Variants in PC observed in about 807,000 individuals in gnomAD.
PC encodes the protein pyruvate carboxylase, mitochondrial.
Under a neutral mutation model 107.8 loss-of-function variants are expected in PC, and 46 were observed. The observed-to-expected ratio is 0.43, with a 90% CI of 0.34 to 0.55. PC has a LOEUF of 0.55. PC is among the 20% of genes least tolerant of loss of function. PC has a pLI of 0.04. For missense variants in PC, 1,241 were observed against 1,643.1 expected, an observed-to-expected ratio of 0.76 and a Z score of 4.23; for synonymous variants, 662 against 684.7, an observed-to-expected ratio of 0.97 and a Z score of 0.52.
intron 3 of PC, among the ~76,000 whole-genome samples, chr11:66,931,243 G>A (rs1355960680): frequency 6.6e-6 from 1 of 151,954 alleles, no homozygotes; most frequent in African/African-American, 2.4e-5. Flanking sequence ...GCCGGGCATG[G>A]TGGCACACAC....
chr11:66,906,342 C>G (rs558937490), intron 3 of PC, among the ~76,000 whole-genome samples: 9 of 152,254 alleles, frequency 5.9e-5, no homozygotes, highest in African/African-American at 1.9e-4. Flanking sequence ...AGCCAGGAAA[C>G]CAAGCACACA....
intron 3 of PC, among the ~76,000 whole-genome samples, chr11:66,951,656 C>T (rs1180412657): frequency 6.6e-6 from 1 of 152,044 alleles, no homozygotes; most frequent in East Asian, 1.9e-4. Flanking sequence ...CTTTGAGGGG[C>T]TGAGGTGGGT....
intron 3 of PC, among the ~76,000 whole-genome samples, chr11:66,908,528 G>C (rs954468924): frequency 1.3e-5 from 2 of 152,200 alleles, no homozygotes; most frequent in Non-Finnish European, 2.9e-5. Context: ...TAAGAAGCCA[G>C]AACAGAGTTC....
intron 3 of PC, among the ~76,000 whole-genome samples, chr11:66,915,961 C>T (rs536058473): frequency 2.6e-5 from 4 of 152,326 alleles, no homozygotes; most frequent in East Asian, 1.9e-4. Context: ...TTTCCTACAA[C>T]GCTCTTTACA....
At chr11:66,849,540 G>A (rs891655724) in intron 21 of PC, 71 bp downstream of exon 21, 9 of 1,612,370 alleles carry the variant, frequency 5.6e-6, no homozygotes, top group South Asian at 1.1e-5. Flanking sequence ...CTGGGTGACA[G>A]CCAAGCTAAA....
intron 3 of PC, among the ~76,000 whole-genome samples, chr11:66,940,430 G>A (rs905118177): frequency 9.9e-5 from 15 of 152,204 alleles, no homozygotes; most frequent in Admixed American, 9.2e-4. Flanking sequence ...GCTCATGTCT[G>A]TAATCCCAGC....
intron 3 of PC, among the ~76,000 whole-genome samples, chr11:66,949,894 AG>A (rs1949397802): frequency 6.6e-6 from 1 of 152,146 alleles, no homozygotes; most frequent in Admixed American, 6.6e-5. Context: ...ATCCAGGGGT[AG>A]GAGTGGGTGT....
intron 3 of PC, among the ~76,000 whole-genome samples, chr11:66,879,403 C>T (rs1947105489): frequency 6.6e-6 from 1 of 152,210 alleles, no homozygotes; most frequent in Non-Finnish European, 1.5e-5. Flanking sequence ...CAAAGGAAGA[C>T]CCACCCCAAA....
At chr11:66,931,012 C>A (rs1948833535) in intron 3 of PC, among the ~76,000 whole-genome samples, 1 of 152,054 alleles carries the variant, frequency 6.6e-6, no homozygotes, top group Non-Finnish European at 1.5e-5. Context: ...CAAAATTCAA[C>A]AATAAGTTAT....
chr11:66,936,180 G>A (rs1018466469), intron 3 of PC, among the ~76,000 whole-genome samples: 51 of 151,880 alleles, frequency 3.4e-4, no homozygotes, highest in African/African-American at 1.1e-3. Context: ...CCCAGGAGGT[G>A]GAGGCTACAG....
chr11:66,905,806 A>G (rs1433204937), intron 3 of PC, among the ~76,000 whole-genome samples: 1 of 152,130 alleles, frequency 6.6e-6, no homozygotes, highest in Non-Finnish European at 1.5e-5. Flanking sequence ...TCCGGCCACC[A>G]GCATGCTCCC....
intron 3 of PC, among the ~76,000 whole-genome samples, chr11:66,885,103 A>G (rs1485638576): frequency 6.6e-6 from 1 of 152,220 alleles, no homozygotes; most frequent in Non-Finnish European, 1.5e-5. Context: ...AGCTCAGGAC[A>G]AGCGGGTGTC....
At position 66,871,420 on chromosome 11, in the gene PC, C is replaced by G; in HGVS notation, c.382G>C (p.Ala128Pro). 1 of 1,613,592 alleles carries G rather than the reference C, an allele frequency of 6.2e-7. No homozygotes were observed. The highest frequency in any genetic ancestry group is 8.5e-7 in the Non-Finnish European group (1 of 1,180,030). ...ACCCCTGCATCCTGGCAGGCCTGGGCGAAGTCCGCTCGCTCAGAGAGGAAC... is the reference window on the plus strand; with the variant it reads ...ACCCCTGCATCCTGGCAGGCCTGGGGGAAGTCCGCTCGCTCAGAGAGGAAC... Reference protein sequence around the residue: ...YGFLSERADFAQACQDAGVRF... With the variant: ...YGFLSERADFPQACQDAGVRF... Residue 128 changes from alanine to proline, a missense_variant, in exon 6 of 23, where the codon GCC becomes CCC. By Grantham distance (27) the Ala-to-Pro change is conservative. Around this residue, in one of 2 missense-constraint regions of PC, gnomAD observed 1,143 missense variants for 1,551.9 expected, o/e 0.74. Coordinates refer to ENST00000393960, the MANE Select transcript of PC (RefSeq NM_001040716.2). This position sits in a 1 kb window ranked among gnomAD's most constrained non-coding sequence, Gnocchi z 7.4.
At position 66,892,221 on chromosome 11, in the gene PC, T is replaced by G. The variant is rs79390618; in HGVS notation, c.1-20062A>C. 1.8e-4 allele frequency among the ~76,000 whole-genome samples: 27 copies of G among 152,268 alleles called. No individual in the cohort carries two copies. In the East Asian group the frequency reaches 5.2e-3, roughly 29 times the overall value. On this transcript the variant is annotated intron_variant, in intron 3 of 22. Transcript: ENST00000393960. ...GGTGAAAGACTGGCCTTGAACTAGA[T>G]GAAGAACACTTCCCCTGAGACCAGA...
At chr11:66,864,658 C>T (rs533553217) in intron 11 of PC, among the ~76,000 whole-genome samples, 2 of 152,300 alleles carry the variant, frequency 1.3e-5, no homozygotes, top group African/African-American at 2.4e-5. Context: ...GGGAAGCAAA[C>T]CAAGGGCGAG....
At chr11:66,855,459 C>T (rs565767346) in intron 12 of PC, among the ~76,000 whole-genome samples, 83 of 152,142 alleles carry the variant, frequency 5.5e-4, no homozygotes, top group Non-Finnish European at 9.8e-4. Context: ...GTACCACGCC[C>T]GGCTAATTTT....
chr11:66,860,473 T>A, intron 12 of PC: 1 of 702,966 alleles, frequency 1.4e-6, no homozygotes. Context: ...TGGGGACACC[T>A]CAGTGCTAGT....
At chr11:66,876,341 C>T (rs1179220000) in intron 3 of PC, among the ~76,000 whole-genome samples, 1 of 152,182 alleles carries the variant, frequency 6.6e-6, no homozygotes, top group Non-Finnish European at 1.5e-5. Flanking sequence ...CAGGGAAAAA[C>T]GGGAACAATG....
At chr11:66,873,689 A>G (rs1162858075) in intron 3 of PC, among the ~76,000 whole-genome samples, 2 of 149,220 alleles carry the variant, frequency 1.3e-5, no homozygotes, top group Admixed American at 1.4e-4. Flanking sequence ...GACTAAAAAG[A>G]CAGCTGCCCA....
Sources: gnomAD v4.1 joint callset for allele counts (sites outside exome capture counted in the v4.1 genomes callset) on GRCh38, gnomAD v4.1.1 for gene constraint, gnomAD v4.1.1 regional missense constraint, Gnocchi (gnomAD v3.1) non-coding constraint, MANE v1.5 for transcripts, NCBI Gene and HGNC (gene_info 2026-07-23, HGNC 2026-07-21) for gene names.